Variants in OXR1 observed in about 807,000 individuals in gnomAD.
OXR1 encodes the protein oxidation resistance 1, also known as oxidation resistance protein 1.
OXR1 carries 41 observed loss-of-function variants against 104.6 expected under a neutral mutation model. The ratio of observed to expected loss-of-function variants is 0.39; its 90% confidence interval spans 0.31 to 0.51. The LOEUF (loss-of-function observed/expected upper bound fraction) is 0.51, where lower values mean the gene tolerates loss of function less well. Ranked by LOEUF, OXR1 falls within the 20% of genes least tolerant of loss-of-function variation. OXR1 has a pLI of 0.77. For missense variants in OXR1, 955 were observed against 1,031.9 expected (o/e 0.93, Z 1.02); for synonymous variants, 348 against 348.4 (o/e 1.00, Z 0.01).
At chr8:106,703,112 C>G in intron 8 of OXR1, 22 bp downstream of exon 8, 3 of 1,515,394 alleles carry the variant, frequency 2.0e-6, no homozygotes, top group Non-Finnish European at 2.7e-6. Context: ...ATTTATATTC[C>G]TTTGCAACTT....
chr8:106,493,953 C>T (rs1459752247), intron 2 of OXR1, among the ~76,000 whole-genome samples: 1 of 152,138 alleles, frequency 6.6e-6, no homozygotes, highest in Non-Finnish European at 1.5e-5. Flanking sequence ...ATATATTCAA[C>T]CACCCTAAGC....
intron 7 of OXR1, among the ~76,000 whole-genome samples, chr8:106,694,802 A>ATT (rs1563716815): frequency 1.6e-4 from 18 of 114,042 alleles, no homozygotes; most frequent in African/African-American, 5.9e-4. Context: ...AGATAAATAC[A>ATT]TATATATTTA....
intron 1 of OXR1, among the ~76,000 whole-genome samples, chr8:106,314,505 G>T (rs1356819912): frequency 2.6e-5 from 4 of 152,170 alleles, no homozygotes; most frequent in Non-Finnish European, 5.9e-5. Context: ...AATGTGTTGA[G>T]AATTTGAATT....
intron 11 of OXR1, among the ~76,000 whole-genome samples, chr8:106,732,516 G>T (rs1039449610): frequency 5.3e-5 from 8 of 152,174 alleles, no homozygotes; most frequent in African/African-American, 1.9e-4. Flanking sequence ...TGTATTAACT[G>T]AATTTTTTTA....
chr8:106,432,005 T>C (rs1457366011), intron 2 of OXR1, among the ~76,000 whole-genome samples: 1 of 152,226 alleles, frequency 6.6e-6, no homozygotes. Context: ...AAGTCAACAC[T>C]GTTATATATT....
At chr8:106,691,721 T>C (rs2131288465) in intron 6 of OXR1, among the ~76,000 whole-genome samples, 1 of 150,714 alleles carries the variant, frequency 6.6e-6, no homozygotes, top group East Asian at 1.9e-4. Context: ...ACAAAATTTG[T>C]TGATAGCTTT....
intron 1 of OXR1, among the ~76,000 whole-genome samples, chr8:106,288,759 A>G (rs776710536): frequency 6.7e-6 from 1 of 148,262 alleles, no homozygotes. Context: ...ATTTGTGTGT[A>G]TATATATGTG....
chr8:106,485,055 A>G (rs895579422), intron 2 of OXR1, among the ~76,000 whole-genome samples: 21 of 151,578 alleles, frequency 1.4e-4, no homozygotes, highest in African/African-American at 5.1e-4. Flanking sequence ...TCATATTGCT[A>G]AAGAAGCCAA....
chr8:106,722,739 T>G (rs1832926633), intron 11 of OXR1, among the ~76,000 whole-genome samples: 1 of 152,216 alleles, frequency 6.6e-6, no homozygotes, highest in African/African-American at 2.4e-5. Context: ...TTTGTGTAAG[T>G]ACACACTGTG....
intron 3 of OXR1, among the ~76,000 whole-genome samples, chr8:106,544,606 G>T (rs547108510): frequency 2.8e-4 from 42 of 152,200 alleles, no homozygotes; most frequent in African/African-American, 9.9e-4. Flanking sequence ...CTACGAAAAA[G>T]TATTCTGTTT....
chr8:106,291,587 C>G (rs944049145), intron 1 of OXR1, among the ~76,000 whole-genome samples: 7 of 152,156 alleles, frequency 4.6e-5, no homozygotes, highest in Admixed American at 1.3e-4. Flanking sequence ...CAATCACAGT[C>G]TGAAAATATT....
chr8:106,344,136 T>C (rs1208306881), intron 1 of OXR1, among the ~76,000 whole-genome samples: 2 of 152,078 alleles, frequency 1.3e-5, no homozygotes, highest in Non-Finnish European at 2.9e-5. Context: ...ACTTTTAGAG[T>C]GCATAGAAAT....
rs1586983001 is a variant in OXR1, at chr8:106,657,775, C to G, written c.221-21435C>G. ...AGAAAAACTTTTCGAAAACTTTTGTCCGTCTTTTGCTCCCCCGACGCGTGG... is the reference window on the plus strand; with the variant it reads ...AGAAAAACTTTTCGAAAACTTTTGTGCGTCTTTTGCTCCCCCGACGCGTGG... On this transcript the variant is annotated intron_variant, in intron 3 of 16. Coordinates refer to ENST00000517566, the MANE Select transcript of OXR1 (RefSeq NM_001198533.2). 11 of 1,153,846 alleles carry G rather than the reference C, an allele frequency of 9.5e-6. No individual in the cohort carries two copies. In the East Asian group the frequency reaches 3.5e-4, roughly 37 times the overall value. The allele number at this position is 1,153,846 out of a possible 1,614,324, so 71.5% of individuals were successfully genotyped here. A position where few individuals can be genotyped will look rare whatever the true frequency, so the allele number is the denominator to read the frequency against.
rs761567877 is a variant in OXR1, at chr8:106,751,901, A to G, written c.*960A>G. On this transcript the variant is annotated 3_prime_UTR_variant, in exon 17 of 17. Transcript: ENST00000517566. ...AATTGTGATTTTCTTTGAGTGGTAT[A>G]TGTTATTAATTACCATTAGCATTTG... The G allele has an allele frequency of 8.5e-5, 13 of 152,382 alleles. No individual in the cohort carries two copies. The highest frequency in any genetic ancestry group is 6.2e-4 in the South Asian group (3 of 4,828). The allele number at this position is 152,382 out of a possible 1,614,324, so 9.4% of individuals were successfully genotyped here. A position where few individuals can be genotyped will look rare whatever the true frequency, so the allele number is the denominator to read the frequency against.
chr8:106,321,356 C>T (rs1039966511), intron 1 of OXR1, among the ~76,000 whole-genome samples: 1 of 151,908 alleles, frequency 6.6e-6, no homozygotes, highest in Admixed American at 6.6e-5. Flanking sequence ...TGAAATGGAA[C>T]CTTTATGGTG....
chr8:106,420,384 TTACTC>T (rs528184376), intron 2 of OXR1, among the ~76,000 whole-genome samples: 2 of 152,012 alleles, frequency 1.3e-5, no homozygotes, highest in South Asian at 2.1e-4. Context: ...ACTAATATAT[TTACTC>T]TACTAGTAGT....
chr8:106,335,100 A>C (rs1211448552), intron 1 of OXR1, among the ~76,000 whole-genome samples: 1 of 150,318 alleles, frequency 6.7e-6, no homozygotes, highest in Non-Finnish European at 1.5e-5. Context: ...CTTCACAAAC[A>C]TGCCATTCTC....
At chr8:106,286,604 C>T (rs1184701366) in intron 1 of OXR1, among the ~76,000 whole-genome samples, 1 of 152,070 alleles carries the variant, frequency 6.6e-6, no homozygotes, top group African/African-American at 2.4e-5. Context: ...TTAACAAAAC[C>T]TGTTTACATT....
intron 9 of OXR1, among the ~76,000 whole-genome samples, chr8:106,708,170 T>C (rs1295575712): frequency 1.3e-5 from 2 of 151,998 alleles, no homozygotes; most frequent in African/African-American, 2.4e-5. Context: ...GGCAGGCAGA[T>C]TGCTTGAACC....
Sources: gnomAD v4.1 joint callset for allele counts (sites outside exome capture counted in the v4.1 genomes callset) on GRCh38, gnomAD v4.1.1 for gene constraint, MANE v1.5 for transcripts, NCBI Gene and HGNC (gene_info 2026-07-23, HGNC 2026-07-21) for gene names.